The following AGMO variants were observed in gnomAD, a reference collection of about 807,000 sequenced individuals.
AGMO encodes alkylglycerol monooxygenase.
AGMO carries 75 observed loss-of-function variants against 60.2 expected under a neutral mutation model. That is an observed-to-expected ratio of 1.25 (90% confidence interval 1.03 to 1.51). AGMO has a LOEUF of 1.51. Ranked by LOEUF, AGMO falls within the 40% of genes most tolerant of loss-of-function variation. AGMO has a pLI of 0.00. For synonymous variants in AGMO, 261 were observed against 177.1 expected (o/e 1.47, Z -3.76); for missense variants, 763 against 525.5 (o/e 1.45, Z -4.42).
chr7:15,365,788 C>A (rs965597379), intron 11 of AGMO, among the ~76,000 whole-genome samples, 169 bp from the exon 12 acceptor site: 1 of 152,020 alleles, frequency 6.6e-6, no homozygotes, highest in Non-Finnish European at 1.5e-5. Flanking sequence ...AAAGAACACT[C>A]ATCTTTTTCG....
rs148081590 is a variant in AGMO, at chr7:15,394,042, G to A, written c.676+71C>T. Reference sequence around the variant, plus strand: ...CTATATTGGGAAATTGTGATTAAATGAGATTAAGGAAAATAATAATGCAAT... The same window carrying A: ...CTATATTGGGAAATTGTGATTAAATAAGATTAAGGAAAATAATAATGCAAT... On this transcript the variant is annotated intron_variant, in intron 6 of 12. Transcript: ENST00000342526. The A allele has an allele frequency of 8.7e-3, 9,766 of 1,124,380 alleles. 59 individuals carry two copies. The highest frequency in any genetic ancestry group is 0.012 in the Non-Finnish European group (8,702 of 748,384). 69.7% of individuals were successfully genotyped at this position (1,124,380 alleles called of 1,614,324 possible). A position where few individuals can be genotyped will look rare whatever the true frequency, so the allele number is the denominator to read the frequency against.
intron 12 of AGMO, among the ~76,000 whole-genome samples, chr7:15,309,856 G>A (rs1471384273): frequency 6.6e-6 from 1 of 152,066 alleles, no homozygotes; most frequent in South Asian, 2.1e-4. Context: ...TAATAAATAT[G>A]TTATCTATTG....
At chr7:15,381,438 C>G (rs1783680512) in intron 10 of AGMO, among the ~76,000 whole-genome samples, 1 of 151,956 alleles carries the variant, frequency 6.6e-6, no homozygotes, top group African/African-American at 2.4e-5. Flanking sequence ...TTCAACATCA[C>G]TGACTGTTAG....
chr7:15,269,590 C>T (rs1783534187), intron 12 of AGMO, among the ~76,000 whole-genome samples: 1 of 151,976 alleles, frequency 6.6e-6, no homozygotes, highest in South Asian at 2.1e-4. Context: ...GTGGAAATGG[C>T]ATGGACAGGA....
chr7:15,226,313 T>G (rs1398692741), intron 12 of AGMO, among the ~76,000 whole-genome samples: 1 of 152,060 alleles, frequency 6.6e-6, no homozygotes, highest in Non-Finnish European at 1.5e-5. Flanking sequence ...TAAAACCAAT[T>G]AGGTTCTGAA....
intron 12 of AGMO, among the ~76,000 whole-genome samples, chr7:15,242,571 G>T (rs772449056): frequency 1.6e-4 from 24 of 152,186 alleles, no homozygotes; most frequent in Non-Finnish European, 3.1e-4. Context: ...TGGGCATATT[G>T]GTCCCAGAAA....
chr7:15,400,016 C>T (rs1187198059), intron 5 of AGMO, among the ~76,000 whole-genome samples: 2 of 152,158 alleles, frequency 1.3e-5, no homozygotes, highest in African/African-American at 4.8e-5. Context: ...TCTCTGAATG[C>T]ATATTGAGAG....
chr7:15,323,268 A>T (rs1022420602), intron 12 of AGMO, among the ~76,000 whole-genome samples: 4 of 152,082 alleles, frequency 2.6e-5, no homozygotes, highest in African/African-American at 7.2e-5. Flanking sequence ...CTAAGAAAAC[A>T]TTTCCAATAG....
intron 10 of AGMO, among the ~76,000 whole-genome samples, chr7:15,370,262 G>A (rs1783150421): frequency 1.3e-5 from 2 of 152,122 alleles, no homozygotes; most frequent in African/African-American, 2.4e-5. Context: ...AGTAATCCAT[G>A]GTATATATGT....
intron 3 of AGMO, among the ~76,000 whole-genome samples, chr7:15,512,024 AG>A (rs1269629690): frequency 3.3e-5 from 5 of 151,354 alleles, no homozygotes; most frequent in Non-Finnish European, 7.4e-5. Flanking sequence ...AAAAAAAAAA[AG>A]AAAGAGAAGA....
chr7:15,392,660 G>T (rs1320966243), intron 6 of AGMO, among the ~76,000 whole-genome samples: 6 of 151,946 alleles, frequency 3.9e-5, no homozygotes, highest in African/African-American at 1.2e-4. Context: ...TTAACCACAC[G>T]TGGTGGCTGG....
chr7:15,181,390 G>C, the AGMO span, among the ~76,000 whole-genome samples: 1 of 152,100 alleles, frequency 6.6e-6, no homozygotes, highest in Admixed American at 6.5e-5. Flanking sequence ...TTCCTCCTGA[G>C]CTAGAGCCCC....
chr7:15,328,033 C>T (rs1781398111), intron 12 of AGMO, among the ~76,000 whole-genome samples: 1 of 152,046 alleles, frequency 6.6e-6, no homozygotes, highest in African/African-American at 2.4e-5. Context: ...CCATCAGCCT[C>T]CCAAAGTGCT....
chr7:15,354,431 T>TGC (rs1782412605), intron 12 of AGMO, among the ~76,000 whole-genome samples: 11 of 26,142 alleles, frequency 4.2e-4, no homozygotes, highest in African/African-American at 2.2e-3. Context: ...TACACACACG[T>TGC]GTGTGTATAC....
chr7:15,360,817 G>A lies in AGMO; in HGVS notation c.1263+4697C>T, dbSNP rs1782721767. On this transcript the variant is annotated intron_variant, in intron 12 of 12. Transcript: ENST00000342526. The stretch of plus-strand genomic sequence containing the variant: ...CTGCCAGGATATGGTCAATTCTTAA[G>A]GCAGGCAGTTCTGAGATTAATAAAG... Among the ~76,000 whole-genome samples, 5 of 152,254 alleles carry A rather than the reference G, an allele frequency of 3.3e-5. 1 individual carries two copies. In the South Asian group the frequency reaches 8.3e-4, roughly 25 times the overall value.
intron 12 of AGMO, among the ~76,000 whole-genome samples, chr7:15,323,083 T>C (rs1333400160): frequency 3.3e-5 from 5 of 151,714 alleles, no homozygotes; most frequent in Admixed American, 2.0e-4. Flanking sequence ...AATTAGACTA[T>C]CTAATGTTTA....
chr7:15,534,769 C>T (rs1784449012), intron 3 of AGMO, among the ~76,000 whole-genome samples: 1 of 151,538 alleles, frequency 6.6e-6, no homozygotes, highest in Admixed American at 6.6e-5. Context: ...ATTATTATCC[C>T]CAGCTAACAG....
At chr7:15,426,125 G>A (rs1243748537) in intron 4 of AGMO, among the ~76,000 whole-genome samples, 3 of 152,082 alleles carry the variant, frequency 2.0e-5, no homozygotes, top group Non-Finnish European at 4.4e-5. Flanking sequence ...ATATTTAAAT[G>A]AATAACAGAT....
chr7:15,502,532 T>A (rs980667379), intron 3 of AGMO, among the ~76,000 whole-genome samples: 1 of 151,952 alleles, frequency 6.6e-6, no homozygotes. Flanking sequence ...GGCTAGCATT[T>A]GTATCCTGTG....
Sources: allele counts gnomAD v4.1 joint callset (sites outside exome capture counted in the v4.1 genomes callset), GRCh38; gene constraint gnomAD v4.1.1; transcripts MANE v1.5; gene names NCBI Gene and HGNC (gene_info 2026-07-23, HGNC 2026-07-21).